Variants in ATAD2B observed in about 807,000 individuals in gnomAD.
ATAD2B encodes ATPase family AAA domain containing 2B, also known as ATPase family AAA domain-containing protein 2B.
In ATAD2B, 40 loss-of-function variants were observed where a neutral mutation model predicts 167.6. The ratio of observed to expected loss-of-function variants is 0.24; its 90% confidence interval spans 0.19 to 0.31. ATAD2B has a LOEUF of 0.31. Among genes scored for constraint, ATAD2B ranks in the 10% least tolerant of loss-of-function variants. The pLI, the probability that ATAD2B is intolerant of heterozygous loss-of-function variation, is 1.00. For synonymous variants in ATAD2B, 579 were observed against 596.5 expected (o/e 0.97, Z 0.43); for missense variants, 1,242 against 1,757.2 (o/e 0.71, Z 5.24).
At chr2:23,759,879 T>A (rs1264701815) in intron 24 of ATAD2B, among the ~76,000 whole-genome samples, 1 of 152,222 alleles carries the variant, frequency 6.6e-6, no homozygotes, top group Non-Finnish European at 1.5e-5. Context: ...ATAAAAAGCA[T>A]TCAGCTTGCT....
At chr2:23,883,791 T>C (rs990889815) in intron 6 of ATAD2B, among the ~76,000 whole-genome samples, 1 of 152,214 alleles carries the variant, frequency 6.6e-6, no homozygotes, top group Admixed American at 6.5e-5. Context: ...GATTCCCCTA[T>C]AAGTACTACT....
At chr2:23,903,199 GC>G (rs1357342095) in intron 1 of ATAD2B, among the ~76,000 whole-genome samples, 3 of 151,640 alleles carry the variant, frequency 2.0e-5, no homozygotes, top group Non-Finnish European at 2.9e-5. Context: ...TCACGTCACT[GC>G]ACTCCAGTCT....
At chr2:23,711,092 T>A in the ATAD2B span, among the ~76,000 whole-genome samples, 3 of 152,114 alleles carry the variant, frequency 2.0e-5, no homozygotes, top group Admixed American at 2.0e-4. Flanking sequence ...TTTATGATTG[T>A]GGGTATGTGA....
At chr2:23,691,929 A>G in the ATAD2B span, 1 of 1,507,460 alleles carries the variant, frequency 6.6e-7, no homozygotes, top group Admixed American at 2.0e-5. Context: ...AGATGGGCGG[A>G]GAACTCCATA....
the ATAD2B span, chr2:23,703,926 C>A: frequency 1.4e-6 from 2 of 1,465,546 alleles, no homozygotes; most frequent in Non-Finnish European, 1.8e-6. Context: ...AGGGGTGTGA[C>A]CACAATGATT....
intron 13 of ATAD2B, among the ~76,000 whole-genome samples, chr2:23,855,203 A>C (rs1427511408): frequency 2.0e-5 from 3 of 152,066 alleles, no homozygotes; most frequent in Admixed American, 2.0e-4. Context: ...AAAAAAAAAA[A>C]AAAAACACAA....
intron 18 of ATAD2B, among the ~76,000 whole-genome samples, chr2:23,807,283 C>T (rs532609448): frequency 2.5e-3 from 196 of 77,492 alleles, no homozygotes; most frequent in African/African-American, 8.7e-3. Context: ...CACACACATG[C>T]ACACACATAC....
chr2:23,864,697 A>G, intron 11 of ATAD2B, 112 bp downstream of exon 11: 1 of 515,448 alleles, frequency 1.9e-6, no homozygotes, highest in Non-Finnish European at 3.3e-6. Context: ...TGTCATTGCT[A>G]GGACACGTCA....
At chr2:23,857,810 C>T (rs1004688004) in intron 12 of ATAD2B, among the ~76,000 whole-genome samples, 1 of 143,554 alleles carries the variant, frequency 7.0e-6, no homozygotes, top group African/African-American at 2.6e-5. Context: ...GGCACGATCT[C>T]GGCTCACTAC....
At chr2:23,878,342 C>T (rs1697349936) in intron 7 of ATAD2B, among the ~76,000 whole-genome samples, 1 of 151,776 alleles carries the variant, frequency 6.6e-6, no homozygotes, top group African/African-American at 2.4e-5. Flanking sequence ...GCCTGGGCAA[C>T]AGAGTGAGAC....
chr2:23,799,498 G>A (rs1433363809), intron 18 of ATAD2B, among the ~76,000 whole-genome samples: 15 of 145,046 alleles, frequency 1.0e-4, no homozygotes, highest in South Asian at 2.2e-4. Flanking sequence ...ACTTGAACCC[G>A]GGAGGTGGAG....
At chr2:23,684,159 G>T in the ATAD2B span, among the ~76,000 whole-genome samples, 12 of 151,854 alleles carry the variant, frequency 7.9e-5, no homozygotes, top group Admixed American at 2.6e-4. This position sits in a 1 kb window ranked among gnomAD's most constrained non-coding sequence, Gnocchi z 4.4. Flanking sequence ...ATCATATTTG[G>T]TTTTTTTGCT....
intron 2 of ATAD2B, among the ~76,000 whole-genome samples, chr2:23,893,347 T>C (rs1456554187): frequency 6.6e-6 from 1 of 152,168 alleles, no homozygotes; most frequent in Non-Finnish European, 1.5e-5. Context: ...TAACAAATTA[T>C]TTTTTGTGAA....
intron 16 of ATAD2B, among the ~76,000 whole-genome samples, chr2:23,822,397 T>C (rs1406892050): frequency 6.6e-6 from 1 of 151,736 alleles, no homozygotes; most frequent in South Asian, 2.1e-4. Flanking sequence ...ATACAAAAAT[T>C]AGCTGGGCGT....
intron 14 of ATAD2B, chr2:23,832,069 G>A: frequency 3.0e-6 from 1 of 333,072 alleles, no homozygotes; most frequent in South Asian, 2.4e-5. Flanking sequence ...CCTACATCAT[G>A]ATAAATACAA....
At chr2:23,923,802 CA>C (rs1023352227) in intron 1 of ATAD2B, among the ~76,000 whole-genome samples, 36 of 152,228 alleles carry the variant, frequency 2.4e-4, no homozygotes, top group African/African-American at 7.7e-4. Flanking sequence ...CTTTTTAAAG[CA>C]AATAAAATGT....
At chr2:23,694,731 C>T in the ATAD2B span, among the ~76,000 whole-genome samples, 4 of 152,194 alleles carry the variant, frequency 2.6e-5, no homozygotes, top group East Asian at 1.9e-4. Context: ...ACACGGGCTT[C>T]GAATGTCCAC....
At chr2:23,843,753 C>A (rs1282562509) in intron 13 of ATAD2B, among the ~76,000 whole-genome samples, 1 of 152,100 alleles carries the variant, frequency 6.6e-6, no homozygotes, top group South Asian at 2.1e-4. Context: ...CTCAGAAGAA[C>A]TAGAAATAAG....
chr2:23,766,498 C>T (rs1677427768), intron 22 of ATAD2B, among the ~76,000 whole-genome samples: 1 of 152,174 alleles, frequency 6.6e-6, no homozygotes, highest in Non-Finnish European at 1.5e-5. Flanking sequence ...GTTATTATGG[C>T]TCATTGTGGT....
Sources: allele counts gnomAD v4.1 joint callset (sites outside exome capture counted in the v4.1 genomes callset), GRCh38; gene constraint gnomAD v4.1.1; non-coding constraint Gnocchi (gnomAD v3.1); transcripts MANE v1.5; gene names NCBI Gene and HGNC (gene_info 2026-07-23, HGNC 2026-07-21).